The following ATP10A variants were observed in gnomAD, a reference collection of about 807,000 sequenced individuals.
ATP10A encodes the protein phospholipid-transporting ATPase VA.
In ATP10A, 111 loss-of-function variants were observed where a neutral mutation model predicts 147.8. The observed-to-expected ratio is 0.75, with a 90% CI of 0.64 to 0.88. The LOEUF (loss-of-function observed/expected upper bound fraction) is 0.88. ATP10A is among the 40% of genes least tolerant of loss of function. The pLI is 0.00. For synonymous variants in ATP10A, 875 were observed against 841.6 expected (o/e 1.04, Z -0.69); for missense variants, 1,927 against 1,959.0 (o/e 0.98, Z 0.31).
intron 2 of ATP10A, among the ~76,000 whole-genome samples, chr15:25,759,603 C>T (rs1888643521): frequency 6.6e-6 from 1 of 151,922 alleles, no homozygotes; most frequent in Non-Finnish European, 1.5e-5. Context: ...ACCAAGAGTT[C>T]GAGATCAGCC....
chr15:25,790,435 G>T (rs1023858175), intron 1 of ATP10A, among the ~76,000 whole-genome samples: 1 of 152,174 alleles, frequency 6.6e-6, no homozygotes, highest in Non-Finnish European at 1.5e-5. Flanking sequence ...AATACTGGTC[G>T]CTCTGTGGTA....
At chr15:25,695,534 C>T (rs1900282595) in intron 13 of ATP10A, among the ~76,000 whole-genome samples, 4 of 152,120 alleles carry the variant, frequency 2.6e-5, no homozygotes. Flanking sequence ...GAGGCTGAGG[C>T]AGGAGAATGG....
chr15:25,799,333 G>C (rs2140774555), intron 1 of ATP10A, among the ~76,000 whole-genome samples: 1 of 152,168 alleles, frequency 6.6e-6, no homozygotes, highest in Admixed American at 6.5e-5. Flanking sequence ...GTCTCTCCCG[G>C]CCTCACATTT....
At chr15:25,691,115 TCTC>T (rs1042300806) in intron 15 of ATP10A, among the ~76,000 whole-genome samples, 6 of 152,160 alleles carry the variant, frequency 3.9e-5, no homozygotes, top group African/African-American at 1.4e-4. Context: ...TTCCCTAAAA[TCTC>T]CACCAACCCA....
chr15:25,692,720 A>G (rs555586543), intron 14 of ATP10A, among the ~76,000 whole-genome samples: 10 of 152,348 alleles, frequency 6.6e-5, no homozygotes, highest in African/African-American at 2.2e-4. Context: ...GAGATATGGT[A>G]TGCAACGATG....
intron 15 of ATP10A, among the ~76,000 whole-genome samples, chr15:25,690,616 A>T (rs183521811): frequency 2.6e-4 from 40 of 152,222 alleles, no homozygotes; most frequent in Non-Finnish European, 5.6e-4. Flanking sequence ...ATCTCCAAAA[A>T]ATTTTCCAAA....
chr15:25,792,873 CTTT>C (rs56011953), intron 1 of ATP10A, among the ~76,000 whole-genome samples: 8 of 134,192 alleles, frequency 6.0e-5, no homozygotes, highest in African/African-American at 1.2e-4. Context: ...CCTTTTCAAT[CTTT>C]TTTTTTTTTT....
At chr15:25,809,001 G>A (rs1300114783) in intron 1 of ATP10A, among the ~76,000 whole-genome samples, 1 of 152,220 alleles carries the variant, frequency 6.6e-6, no homozygotes, top group East Asian at 1.9e-4. Context: ...GGTGGGGCAT[G>A]TGGAGAAGCC....
At chr15:25,735,341 C>CCACA (rs145191774) in intron 3 of ATP10A, among the ~76,000 whole-genome samples, 17 of 151,282 alleles carry the variant, frequency 1.1e-4, no homozygotes, top group Middle Eastern at 6.8e-3. Flanking sequence ...ACAGCACTGA[C>CCACA]CACACACACA....
intron 1 of ATP10A, among the ~76,000 whole-genome samples, chr15:25,821,545 G>C (rs985312399): frequency 2.6e-4 from 39 of 152,216 alleles, no homozygotes; most frequent in African/African-American, 9.2e-4. Context: ...GTGTCAGTGA[G>C]AGTTGGGGAG....
chr15:25,857,438 C>T (rs996957750), intron 1 of ATP10A, among the ~76,000 whole-genome samples: 33 of 152,148 alleles, frequency 2.2e-4, no homozygotes, highest in African/African-American at 7.7e-4. Context: ...CAGGGCAAGA[C>T]TCTGTCTTAA....
At chr15:25,844,473 T>C (rs1297869457) in intron 1 of ATP10A, among the ~76,000 whole-genome samples, 1 of 152,214 alleles carries the variant, frequency 6.6e-6, no homozygotes, top group Non-Finnish European at 1.5e-5. Flanking sequence ...TATTTTAAAA[T>C]AAAGGGATAT....
At position 25,680,237 on chromosome 15, in the gene ATP10A, C is replaced by A. The variant is rs149423703; in HGVS notation, c.3750G>T (p.Ala1250=). The change falls in exon 20 of 21, where the codon GCG becomes GCT. Residue 1250 remains alanine, a synonymous_variant. Coordinates refer to ENST00000555815, the MANE Select transcript of ATP10A (RefSeq NM_024490.4). The part of the protein sequence containing the change: ...LFFTVALIYN[A]SCATCYPPSN... Reference sequence around the variant, plus strand: ...ACGGAGGATAGCACGTGGCACAAGACGCATTGTAAATCAAAGCCACGGTGA... The same window carrying A: ...ACGGAGGATAGCACGTGGCACAAGAAGCATTGTAAATCAAAGCCACGGTGA... 6,425 of 1,614,086 alleles carry A rather than the reference C, an allele frequency of 4.0e-3. 22 individuals are homozygous for A. The highest frequency in any genetic ancestry group is 5.0e-3 in the South Asian group (458 of 91,084).
chr15:25,798,219 T>A (rs1890773241), intron 1 of ATP10A, among the ~76,000 whole-genome samples: 1 of 151,976 alleles, frequency 6.6e-6, no homozygotes, highest in Non-Finnish European at 1.5e-5. Context: ...AGCAACAATA[T>A]CAAAACTCCA....
At chr15:25,798,398 GA>G (rs1198688814) in intron 1 of ATP10A, among the ~76,000 whole-genome samples, 1 of 152,158 alleles carries the variant, frequency 6.6e-6, no homozygotes, top group Non-Finnish European at 1.5e-5. Context: ...CAGGCAGTCT[GA>G]AGTCCCATAG....
chr15:25,752,367 CA>C (rs1226307441), intron 2 of ATP10A, among the ~76,000 whole-genome samples: 2 of 152,132 alleles, frequency 1.3e-5, no homozygotes, highest in African/African-American at 4.8e-5. Flanking sequence ...TGGAACTAGA[CA>C]ACATTTTGCT....
intron 12 of ATP10A, among the ~76,000 whole-genome samples, chr15:25,707,440 A>G (rs1462775755): frequency 1.3e-5 from 2 of 152,228 alleles, no homozygotes; most frequent in African/African-American, 4.8e-5. Flanking sequence ...GAAAATAAAT[A>G]TTTTAAGTAT....
chr15:25,840,852 AGTGG>A (rs1415810972), intron 1 of ATP10A, among the ~76,000 whole-genome samples: 6 of 152,266 alleles, frequency 3.9e-5, no homozygotes, highest in African/African-American at 1.4e-4. Flanking sequence ...ATAGATGCGC[AGTGG>A]TATCTCTGAG....
In ATP10A at chr15:25,719,280, G is replaced by A. The variant is rs148938616; in HGVS notation, c.1364-881C>T. ...GCCGGCCAGCCGCGTGGACCACTGC[G>A]CATCTCTTAATAGACCCTCTGTGAG... On this transcript the variant is annotated intron_variant, in intron 7 of 20. Transcript: ENST00000555815. Among the ~76,000 whole-genome samples the A allele has an allele frequency of 5.0e-3, 761 of 152,276 alleles. 2 individuals carry two copies. Among genetic ancestry groups the A allele is most frequent in the African/African-American group, 0.015 (636 of 41,552 alleles).
Sources: allele counts gnomAD v4.1 joint callset (sites outside exome capture counted in the v4.1 genomes callset), GRCh38; gene constraint gnomAD v4.1.1; transcripts MANE v1.5; gene names NCBI Gene and HGNC (gene_info 2026-07-23, HGNC 2026-07-21).